IL4R: variants seen among roughly 807,000 people sequenced by gnomAD.
IL4R encodes the protein interleukin-4 receptor subunit alpha.
IL4R carries 17 observed loss-of-function variants against 41.5 expected under a neutral mutation model. The ratio of observed to expected loss-of-function variants is 0.41; its 90% CI spans 0.28 to 0.61. IL4R has a LOEUF of 0.61. Ranked by LOEUF, IL4R falls within the 20% of genes least tolerant of loss-of-function variation. IL4R has a pLI of 0.31. For missense variants in IL4R, 974 were observed against 1,043.1 expected (o/e 0.93, Z 0.91); for synonymous variants, 402 against 422.9 (o/e 0.95, Z 0.61).
Position 27,363,598 on chromosome 16 carries a change from G to A in IL4R, c.2246G>A (p.Gly749Glu). The part of the protein sequence containing the change: ...MASPCCGCCC[G>E]DRSSPPTTPL... Reference sequence around the variant, plus strand: ...AGTCCTTGCTGTGGCTGCTGCTGTGGAGACAGGTCCTCGCCCCCTACAACC... The same window carrying A: ...AGTCCTTGCTGTGGCTGCTGCTGTGAAGACAGGTCCTCGCCCCCTACAACC... The change falls in exon 11 of 11, where the codon GGA becomes GAA. Residue 749 changes from glycine (G) to glutamate (E), a missense_variant. Gly to Glu is a moderately conservative substitution (Grantham distance 98, BLOSUM62 -2). Around this residue, in one of 3 missense-constraint regions of IL4R, gnomAD observed 682 missense variants for 704.3 expected, o/e 0.97. Coordinates refer to ENST00000395762, the MANE Select transcript of IL4R (RefSeq NM_000418.4). 6.2e-7 allele frequency: 1 copy of A among 1,614,074 alleles called. No homozygotes were observed. Among genetic ancestry groups the A allele is most frequent in the Non-Finnish European group, 8.5e-7 (1 of 1,180,006 alleles).
intron 1 of IL4R, among the ~76,000 whole-genome samples, chr16:27,329,236 G>T (rs1351913519): frequency 6.6e-6 from 1 of 152,098 alleles, no homozygotes; most frequent in East Asian, 1.9e-4. Flanking sequence ...AAGCCAAGTA[G>T]ATACGGGTGC....
chr16:27,324,259 G>T (rs544926699), intron 1 of IL4R, among the ~76,000 whole-genome samples: 72 of 130,042 alleles, frequency 5.5e-4, no homozygotes, highest in Non-Finnish European at 1.0e-3. Context: ...CAGCTCTCTG[G>T]AGGTCAGGGC....
chr16:27,354,427 T>C (rs1486685538), intron 7 of IL4R, among the ~76,000 whole-genome samples: 2 of 152,204 alleles, frequency 1.3e-5, no homozygotes, highest in Non-Finnish European at 2.9e-5. Context: ...CATCTCTTTT[T>C]TAATCAGGAA....
Position 27,342,094 on chromosome 16 carries a change from G to T in IL4R, c.71-27G>T, listed in dbSNP as rs17548697. The T allele has an allele frequency of 4.2e-3, 6,822 of 1,611,404 alleles. 19 individuals carry two copies. Among genetic ancestry groups the T allele is most frequent in the Non-Finnish European group, 5.2e-3 (6,088 of 1,178,592 alleles). On this transcript the variant is annotated intron_variant, in intron 3 of 10. Transcript: ENST00000395762. ...CCCTCACGCATTGAGTTCCTGGGCC[G>T]CTCAGGCTGCTCCTGTGTCTCCCCA...
intron 1 of IL4R, among the ~76,000 whole-genome samples, chr16:27,328,161 C>G (rs1344438661): frequency 1.4e-5 from 2 of 142,040 alleles, no homozygotes; most frequent in Admixed American, 7.4e-5. Context: ...GAGCTGATAT[C>G]GTGCCACTGC....
intron 2 of IL4R, among the ~76,000 whole-genome samples, chr16:27,332,790 G>T (rs1375594612): frequency 6.6e-6 from 1 of 151,594 alleles, no homozygotes; most frequent in Non-Finnish European, 1.5e-5. Flanking sequence ...TTCTTTCTAA[G>T]ATATACATTC....
At chr16:27,332,005 T>G (rs1447891455) in intron 2 of IL4R, among the ~76,000 whole-genome samples, 2 of 152,024 alleles carry the variant, frequency 1.3e-5, no homozygotes, top group East Asian at 3.8e-4. Context: ...TGAGACAGGA[T>G]CTTTCTCTGT....
intron 10 of IL4R, among the ~76,000 whole-genome samples, chr16:27,361,910 G>A (rs148369176): frequency 8.5e-5 from 13 of 152,208 alleles, no homozygotes; most frequent in Non-Finnish European, 1.5e-4. Context: ...GTGAGCCACC[G>A]CACCCGGCTT....
At chr16:27,360,915 T>C (rs1206168145) in intron 10 of IL4R, 100 bp downstream of exon 10, 1 of 1,608,464 alleles carries the variant, frequency 6.2e-7, no homozygotes, top group South Asian at 1.1e-5. Flanking sequence ...CTTCCCTGCA[T>C]TCGGTAATTG....
rs770072563 is a variant in IL4R at position 27,346,612 on chromosome 16, G to A, written c.507G>A (p.Pro169=). The A allele has an allele frequency of 9.9e-6, 16 of 1,613,866 alleles. No homozygotes were observed. Among genetic ancestry groups the A allele is most frequent in the Admixed American group, 1.7e-5 (1 of 60,000 alleles). ...TCAACATTTGGAGTGAAAACGACCC[G>A]GCAGATGTGAGTGGGCATGCTTTGA... is the stretch of plus-strand genomic sequence containing the variant. ...YAVNIWSEND[P]ADFRIYNVTY... is the part of the protein sequence containing the mutation. Residue 169 remains proline (P), a synonymous_variant, in exon 6 of 11, where the codon CCG becomes CCA. Transcript: ENST00000395762.
At position 27,362,285 on chromosome 16, in the gene IL4R, C is replaced by T; in HGVS notation, c.933C>T (p.Pro311=). ...HWKNCLTKLL[P]CFLEHNMKRD... ...AGAATTGTCTTACCAAGCTCTTGCC[C>T]TGTTTTCTGGAGCACAACATGAAAA... Residue 311 remains proline (P), a synonymous_variant, in exon 11 of 11, where the codon CCC becomes CCT. Coordinates refer to ENST00000395762, the MANE Select transcript of IL4R (RefSeq NM_000418.4). 2 of 1,614,150 alleles carry T rather than the reference C, an allele frequency of 1.2e-6. No homozygotes were observed. The highest frequency in any genetic ancestry group is 1.7e-6 in the Non-Finnish European group (2 of 1,180,016).
chr16:27,359,420 T>A (rs1156737763), intron 9 of IL4R, among the ~76,000 whole-genome samples: 1 of 152,174 alleles, frequency 6.6e-6, no homozygotes, highest in Non-Finnish European at 1.5e-5. Context: ...CGGGTTCTCA[T>A]TGGCCTGAAA....
chr16:27,362,773 G>A lies in IL4R; in HGVS notation c.1421G>A (p.Ser474Asn), dbSNP rs911028477. The change falls in exon 11 of 11, where the codon AGC (serine) becomes AAC (asparagine). Residue 474 changes from serine (S) to asparagine (N), a missense_variant. By Grantham distance (46) the Ser-to-Asn change is conservative (BLOSUM62 1). Around this residue, in one of 3 missense-constraint regions of IL4R, gnomAD observed 682 missense variants for 704.3 expected, o/e 0.97. Transcript: ENST00000395762. ...PLHLEPSPPA[S>N]PTQSPDNLTC... ...CACCTGGAGCCAAGTCCTCCTGCCAGCCCGACCCAGAGTCCAGACAACCTG... is the reference window on the plus strand; with the variant it reads ...CACCTGGAGCCAAGTCCTCCTGCCAACCCGACCCAGAGTCCAGACAACCTG... 1.2e-6 allele frequency: 2 copies of A among 1,614,082 alleles called. No individual in the cohort carries two copies. The highest frequency in any genetic ancestry group is 1.1e-5 in the South Asian group (1 of 91,086).
chr16:27,355,945 G>T, intron 8 of IL4R, 38 bp downstream of exon 8: 1 of 1,448,240 alleles, frequency 6.9e-7, no homozygotes, highest in Non-Finnish European at 9.7e-7. Flanking sequence ...CAGTCCCTCT[G>T]GAGTGCAGGG....
At chr16:27,356,583 G>T (rs889649432) in intron 8 of IL4R, among the ~76,000 whole-genome samples, 2 of 152,162 alleles carry the variant, frequency 1.3e-5, no homozygotes, top group African/African-American at 2.4e-5. Context: ...TTTGAGGGGG[G>T]CCCTGACTGG....
rs1012585438 is a variant in IL4R, at chr16:27,315,809, G to A, written c.-152+1789G>A. ...TAAAAGCAACAATGCAGATTCCTGG[G>A]CCCCACCCTGGGCCTCTGGATCTGA... On this transcript the variant is annotated intron_variant, in intron 1 of 10. Coordinates refer to ENST00000395762, the MANE Select transcript of IL4R (RefSeq NM_000418.4). Among the ~76,000 whole-genome samples, 5 of 152,268 alleles carry A rather than the reference G, an allele frequency of 3.3e-5. No homozygotes were observed. In the East Asian group the frequency reaches 9.7e-4, roughly 29 times the overall value.
At chr16:27,347,644 C>A (rs2085698476) in intron 6 of IL4R, among the ~76,000 whole-genome samples, 1 of 152,194 alleles carries the variant, frequency 6.6e-6, no homozygotes, top group African/African-American at 2.4e-5. Context: ...TCATTTCCTG[C>A]CACCCATGTT....
At chr16:27,352,017 C>CAG (rs1256766401) in intron 6 of IL4R, among the ~76,000 whole-genome samples, 1 of 152,186 alleles carries the variant, frequency 6.6e-6, no homozygotes, top group African/African-American at 2.4e-5. Flanking sequence ...CCATGAAGGA[C>CAG]AGAGAGAGAT....
chr16:27,340,870 A>G (rs2085420175), intron 3 of IL4R, among the ~76,000 whole-genome samples: 1 of 152,180 alleles, frequency 6.6e-6, no homozygotes, highest in Admixed American at 6.5e-5. Flanking sequence ...AACCGTGCAG[A>G]TGTCTGGGGA....
Sources: allele counts gnomAD v4.1 joint callset (sites outside exome capture counted in the v4.1 genomes callset), GRCh38; gene constraint gnomAD v4.1.1; regional missense constraint gnomAD v4.1.1; transcripts MANE v1.5; gene names NCBI Gene and HGNC (gene_info 2026-07-23, HGNC 2026-07-21).